PRELID2: variants seen among roughly 807,000 people sequenced by gnomAD.
PRELID2 encodes the protein PRELI domain-containing protein 2.
PRELID2 carries 25 observed loss-of-function variants against 28.4 expected under a neutral mutation model. The observed-to-expected ratio is 0.88, with a 90% CI of 0.64 to 1.23. PRELID2 has a LOEUF of 1.23. PRELID2 is among the 50% of genes most tolerant of loss of function. The probability of loss-of-function intolerance (pLI) is 0.00; values close to 1 mark genes in which losing one functional copy is unlikely to be tolerated. For synonymous variants in PRELID2, 76 were observed against 71.6 expected (o/e 1.06, Z -0.31); for missense variants, 201 against 214.4 (o/e 0.94, Z 0.39).
chr5:145,252,126 G>A, the PRELID2 span, among the ~76,000 whole-genome samples: 25 of 152,080 alleles, frequency 1.6e-4, no homozygotes, highest in African/African-American at 6.0e-4. Flanking sequence ...GCATCACCTG[G>A]GAGCTTGTTA....
intron 1 of PRELID2, among the ~76,000 whole-genome samples, chr5:145,634,491 T>C (rs975436817): frequency 6.6e-6 from 1 of 152,212 alleles, no homozygotes; most frequent in Non-Finnish European, 1.5e-5. Flanking sequence ...TAAGGTGCTA[T>C]TTCTTCCACT....
At chr5:145,456,478 T>C in the PRELID2 span, among the ~76,000 whole-genome samples, 1 of 152,180 alleles carries the variant, frequency 6.6e-6, no homozygotes, top group Non-Finnish European at 1.5e-5. Context: ...GTCTCCATCA[T>C]GTCCTTAGAG....
chr5:145,372,569 C>T, the PRELID2 span, among the ~76,000 whole-genome samples: 15 of 152,022 alleles, frequency 9.9e-5, no homozygotes, highest in African/African-American at 1.4e-4. Flanking sequence ...ATTAGCTCTT[C>T]TTGGTGAATT....
chr5:145,293,913 A>G, the PRELID2 span, among the ~76,000 whole-genome samples: 1 of 152,174 alleles, frequency 6.6e-6, no homozygotes, highest in African/African-American at 2.4e-5. Context: ...TCCAATGACT[A>G]CTTGATGAGT....
intron 1 of PRELID2, among the ~76,000 whole-genome samples, chr5:145,638,800 T>C (rs190864162): frequency 6.6e-6 from 1 of 152,386 alleles, no homozygotes; most frequent in East Asian, 1.9e-4. Context: ...TTAAGTAGCA[T>C]GCATCTCCTT....
intron 1 of PRELID2, among the ~76,000 whole-genome samples, chr5:145,586,688 C>T (rs183320367): frequency 6.6e-5 from 10 of 152,070 alleles, no homozygotes; most frequent in African/African-American, 1.9e-4. Context: ...CCCCATATAT[C>T]CGACATCTCT....
the PRELID2 span, among the ~76,000 whole-genome samples, chr5:145,420,206 C>T: frequency 0.23 from 34,521 of 151,874 alleles, 5,165 homozygotes; most frequent in Non-Finnish European, 0.33. Context: ...ATTGACTTGG[C>T]GATGCGGGCT....
intron 4 of PRELID2, among the ~76,000 whole-genome samples, chr5:145,807,598 A>G (rs962721843): frequency 6.6e-6 from 1 of 151,976 alleles, no homozygotes; most frequent in East Asian, 1.9e-4. Context: ...CTCCCATATT[A>G]CTGGCTCAAT....
At chr5:145,380,885 A>G in the PRELID2 span, among the ~76,000 whole-genome samples, 1 of 152,198 alleles carries the variant, frequency 6.6e-6, no homozygotes, top group East Asian at 1.9e-4. Context: ...AATAAATCCA[A>G]TCGGTGACCT....
intron 1 of PRELID2, among the ~76,000 whole-genome samples, chr5:145,578,117 T>A (rs1753076910): frequency 6.6e-6 from 1 of 152,114 alleles, no homozygotes; most frequent in African/African-American, 2.4e-5. Context: ...ATCTGGACAA[T>A]TTGACCTTAC....
At chr5:145,500,590 A>G (rs575331540) in intron 1 of PRELID2, among the ~76,000 whole-genome samples, 2 of 152,182 alleles carry the variant, frequency 1.3e-5, no homozygotes, top group Non-Finnish European at 2.9e-5. Flanking sequence ...AGAACTATGG[A>G]GAGCTTTTGA....
intron 1 of PRELID2, among the ~76,000 whole-genome samples, chr5:145,680,346 C>T (rs1467124198): frequency 6.6e-6 from 1 of 152,180 alleles, no homozygotes; most frequent in Non-Finnish European, 1.5e-5. Context: ...AACTTCAGCT[C>T]AAACACTGTG....
At chr5:145,735,074 A>C (rs541055881) in intron 1 of PRELID2, among the ~76,000 whole-genome samples, 1 of 116,620 alleles carries the variant, frequency 8.6e-6, no homozygotes, top group Non-Finnish European at 1.8e-5. Context: ...ATGAAACCCC[A>C]TCTCTACTAA....
intron 1 of PRELID2, among the ~76,000 whole-genome samples, chr5:145,834,330 G>C (rs912317024): frequency 1.3e-5 from 2 of 149,572 alleles, no homozygotes; most frequent in Non-Finnish European, 2.9e-5. Context: ...ACTGGTTAAA[G>C]GCATTTTGTT....
At chr5:145,389,652 G>A in the PRELID2 span, among the ~76,000 whole-genome samples, 2 of 152,078 alleles carry the variant, frequency 1.3e-5, no homozygotes. Flanking sequence ...AAACTCGTGG[G>A]AGTTGTTCTA....
At chr5:145,806,569 AAAC>A (rs1351826922) in intron 4 of PRELID2, among the ~76,000 whole-genome samples, 1 of 152,240 alleles carries the variant, frequency 6.6e-6, no homozygotes, top group Non-Finnish European at 1.5e-5. Flanking sequence ...GTACACTTTA[AAAC>A]AACAATAAAT....
intron 1 of PRELID2, among the ~76,000 whole-genome samples, chr5:145,688,861 T>C (rs1298933418): frequency 6.6e-6 from 1 of 152,210 alleles, no homozygotes; most frequent in African/African-American, 2.4e-5. Context: ...TCTTCAGGCT[T>C]CATTGGAATA....
chr5:145,433,538 CCAA>C, the PRELID2 span, among the ~76,000 whole-genome samples: 16 of 152,116 alleles, frequency 1.1e-4, no homozygotes, highest in African/African-American at 2.7e-4. Context: ...TCAGTTCTTT[CCAA>C]CAACAACTGG....
At chr5:145,727,892 A>T (rs1323589977) in intron 1 of PRELID2, among the ~76,000 whole-genome samples, 1 of 152,226 alleles carries the variant, frequency 6.6e-6, no homozygotes, top group Non-Finnish European at 1.5e-5. Flanking sequence ...GTGTATTTAT[A>T]TCAAGAGTAA....
Sources: gnomAD v4.1 joint callset for allele counts (sites outside exome capture counted in the v4.1 genomes callset) on GRCh38, gnomAD v4.1.1 for gene constraint, MANE v1.5 for transcripts, NCBI Gene and HGNC (gene_info 2026-07-23, HGNC 2026-07-21) for gene names.